Variants in NIBAN1 observed in about 807,000 individuals in gnomAD.
NIBAN1 encodes the protein niban apoptosis regulator 1.
A neutral mutation model predicts 75.1 loss-of-function variants in NIBAN1; 81 were observed. The ratio of observed to expected loss-of-function variants is 1.08; its 90% CI spans 0.90 to 1.30. NIBAN1 has a LOEUF of 1.30. Among genes scored for constraint, NIBAN1 ranks in the 50% most tolerant of loss-of-function variants. NIBAN1 has a pLI of 0.00. For missense variants in NIBAN1, 1,133 were observed against 1,128.1 expected, an observed-to-expected ratio of 1.00 and a Z score of -0.06; for synonymous variants, 436 against 424.8, an observed-to-expected ratio of 1.03 and a Z score of -0.32.
chr1:184,926,752 A>AC (rs1190745507), intron 1 of NIBAN1, among the ~76,000 whole-genome samples: 3 of 151,936 alleles, frequency 2.0e-5, no homozygotes. Flanking sequence ...TAAACTTTCT[A>AC]CCCCTATCTG....
chr1:184,841,278 A>C (rs996854247), intron 5 of NIBAN1, among the ~76,000 whole-genome samples: 17 of 152,052 alleles, frequency 1.1e-4, no homozygotes, highest in African/African-American at 4.1e-4. Flanking sequence ...AAAACCCCAA[A>C]CCCTGGGGTT....
chr1:184,889,123 A>C (rs1191594969), intron 4 of NIBAN1, among the ~76,000 whole-genome samples: 1 of 152,236 alleles, frequency 6.6e-6, no homozygotes. Context: ...AGCCAAATGG[A>C]GTTATTACAT....
intron 8 of NIBAN1, chr1:184,821,613 A>C (rs1654702010): frequency 6.6e-6 from 1 of 152,226 alleles, no homozygotes; most frequent in South Asian, 2.1e-4. Flanking sequence ...CAGAGATTTA[A>C]GCAAAGGATG....
At chr1:184,823,523 C>T in intron 7 of NIBAN1, 115 bp downstream of exon 7, 1 of 1,280,206 alleles carries the variant, frequency 7.8e-7, no homozygotes. Context: ...TCGAAGTAGG[C>T]ATTTCTACAC....
chr1:184,803,655 A>G lies in NIBAN1; in HGVS notation c.1484T>C (p.Ile495Thr), dbSNP rs560477914. ...DYDSSTIRKK[I>T]FQEALVQITL... ...GATTTGAACTAGTGCCTCTTGAAAT[A>G]TCTTCTTTCGGATGGTGCTGCTGTC... Residue 495 changes from isoleucine to threonine, a missense_variant, in exon 12 of 14, where the codon ATA (isoleucine) becomes ACA (threonine). Ile to Thr is a moderately conservative substitution (Grantham distance 89). Transcript: ENST00000367511. 1 of 1,614,216 alleles carries G rather than the reference A, an allele frequency of 6.2e-7. No individual in the cohort carries two copies. Among genetic ancestry groups the G allele is most frequent in the East Asian group, 2.2e-5 (1 of 44,886 alleles).
intron 1 of NIBAN1, among the ~76,000 whole-genome samples, chr1:184,972,106 A>C (rs1327350520): frequency 6.6e-6 from 1 of 152,250 alleles, no homozygotes; most frequent in Non-Finnish European, 1.5e-5. Flanking sequence ...AAAGTCACTC[A>C]AAATATATTG....
chr1:184,904,808 G>A lies in NIBAN1; in HGVS notation c.56-5499C>T, dbSNP rs139578739. ...TCTACCAAAAATACAAAAATTAGCC[G>A]GGTGTGGTGGTGCACACCTGTAATC... On this transcript the variant is annotated intron_variant, in intron 1 of 13. Coordinates refer to ENST00000367511, the MANE Select transcript of NIBAN1 (RefSeq NM_052966.4). Among the ~76,000 whole-genome samples the A allele has an allele frequency of 3.3e-3, 503 of 152,072 alleles. 11 individuals are homozygous for A. In the East Asian group the frequency reaches 0.073, roughly 22 times the overall value.
chr1:184,936,782 C>T (rs1657972843), intron 1 of NIBAN1, among the ~76,000 whole-genome samples: 1 of 152,198 alleles, frequency 6.6e-6, no homozygotes, highest in South Asian at 2.1e-4. Flanking sequence ...CCCCTAATCT[C>T]AAGTTCTTTA....
chr1:184,791,278 C>A lies in NIBAN1; in HGVS notation c.*3699G>T. 1 of 222,992 alleles carries A rather than the reference C, an allele frequency of 4.5e-6. No individual in the cohort carries two copies. Among genetic ancestry groups the A allele is most frequent in the South Asian group, 5.0e-5 (1 of 19,968 alleles). The allele number at this position is 222,992 out of a possible 1,614,324, so 13.8% of individuals were successfully genotyped here. A position where few individuals can be genotyped will look rare whatever the true frequency, so the allele number is the denominator to read the frequency against. Reference sequence around the variant, plus strand: ...CTATTATTAAGTCAATGATGTCCTTCCCTTCTTCACATCAAAATTGCTATG... The same window carrying A: ...CTATTATTAAGTCAATGATGTCCTTACCTTCTTCACATCAAAATTGCTATG... On this transcript the variant is annotated 3_prime_UTR_variant, in exon 14 of 14. Transcript: ENST00000367511.
intron 1 of NIBAN1, among the ~76,000 whole-genome samples, chr1:184,919,007 A>G (rs565211616): frequency 6.6e-6 from 1 of 152,202 alleles, no homozygotes; most frequent in East Asian, 1.9e-4. Flanking sequence ...GTAAAAAAAA[A>G]CCTCTAAAAT....
chr1:184,905,285 C>G (rs754966184), intron 1 of NIBAN1, among the ~76,000 whole-genome samples: 2 of 152,150 alleles, frequency 1.3e-5, no homozygotes, highest in African/African-American at 2.4e-5. Flanking sequence ...AGAACCAAAT[C>G]TTGGCACTGA....
intron 1 of NIBAN1, among the ~76,000 whole-genome samples, chr1:184,957,498 AT>A (rs1385904859): frequency 1.3e-5 from 2 of 152,208 alleles, no homozygotes; most frequent in Admixed American, 1.3e-4. Context: ...ACTCTGAAAC[AT>A]TAATTAGTCT....
At chr1:184,843,951 G>T (rs74748939) in intron 5 of NIBAN1, among the ~76,000 whole-genome samples, 10,336 of 152,250 alleles carry the variant, frequency 0.068, 1,158 homozygotes, top group African/African-American at 0.23. Context: ...GTGGGCATCT[G>T]TGTGGCTTAC....
chr1:184,833,669 C>T (rs1655056669), intron 5 of NIBAN1, among the ~76,000 whole-genome samples: 1 of 151,676 alleles, frequency 6.6e-6, no homozygotes, highest in Non-Finnish European at 1.5e-5. Context: ...ACAATTGCAC[C>T]CTATCCAGGG....
At chr1:184,900,643 T>C (rs1656929603) in intron 1 of NIBAN1, among the ~76,000 whole-genome samples, 1 of 151,996 alleles carries the variant, frequency 6.6e-6, no homozygotes, top group African/African-American at 2.4e-5. Flanking sequence ...GTGCTTAGCT[T>C]TAGAGAGTAT....
chr1:184,867,956 T>C, intron 5 of NIBAN1: 1 of 985,440 alleles, frequency 1.0e-6, no homozygotes, highest in Non-Finnish European at 1.2e-6. Flanking sequence ...GTCTAATAGT[T>C]TCTAGGGAAA....
chr1:184,905,657 G>GT (rs951308419), intron 1 of NIBAN1, among the ~76,000 whole-genome samples: 10 of 152,086 alleles, frequency 6.6e-5, no homozygotes, highest in Non-Finnish European at 1.2e-4. Flanking sequence ...CCCAACCCGA[G>GT]TAGAAACCTC....
chr1:184,912,496 C>G (rs1369208740), intron 1 of NIBAN1, among the ~76,000 whole-genome samples: 1 of 152,156 alleles, frequency 6.6e-6, no homozygotes, highest in African/African-American at 2.4e-5. Flanking sequence ...CCCACATCCT[C>G]AGGAATTCTC....
intron 5 of NIBAN1, among the ~76,000 whole-genome samples, chr1:184,848,464 C>T (rs374452396): frequency 3.0e-5 from 1 of 33,146 alleles, no homozygotes; most frequent in Non-Finnish European, 5.3e-5. Context: ...ATCTCTGGGA[C>T]GCATTCAAAG....
Sources: gnomAD v4.1 joint callset for allele counts (sites outside exome capture counted in the v4.1 genomes callset) on GRCh38, gnomAD v4.1.1 for gene constraint, MANE v1.5 for transcripts, NCBI Gene and HGNC (gene_info 2026-07-23, HGNC 2026-07-21) for gene names.